CALU: variants seen among roughly 807,000 people sequenced by gnomAD.
CALU encodes calumenin, also known as IEF SSP 9302.
Under a neutral mutation model 37.5 loss-of-function variants are expected in CALU, and 13 were observed. That is an observed-to-expected ratio of 0.35 (90% CI 0.23 to 0.55). The LOEUF (loss-of-function observed/expected upper bound fraction) is 0.55, where lower values mean the gene tolerates loss of function less well. CALU is among the 20% of genes least tolerant of loss of function. The pLI is 0.89. For synonymous variants in CALU, 114 were observed against 133.8 expected (o/e 0.85, Z 1.02); for missense variants, 282 against 391.7 (o/e 0.72, Z 2.36).
At position 128,772,768 on chromosome 7, in the gene CALU, A is replaced by G. The variant is rs963468545; in HGVS notation, c.*3601A>G. 1.2e-5 allele frequency: 18 copies of G among 1,465,934 alleles called. No homozygotes were observed. The African/African-American group carries it at 1.9e-4, about 16-fold the overall frequency. 90.8% of individuals were successfully genotyped at this position (1,465,934 alleles called of 1,614,324 possible). A position where few individuals can be genotyped will look rare whatever the true frequency, so the allele number is the denominator to read the frequency against. On this transcript the variant is annotated 3_prime_UTR_variant, in exon 7 of 7. Transcript: ENST00000249364. ...CCTTGCACAATGCTTTGTACCCAGA[A>G]TGCCCTTAGGTGGTTTTGAATCTAT...
Position 128,772,754 on chromosome 7 carries a change from G to A in CALU, c.*3587G>A, listed in dbSNP as rs1801638690. On this transcript the variant is annotated 3_prime_UTR_variant, in exon 7 of 7. Transcript: ENST00000249364. ...CTGTATCACCAAAGCCTTGCACAAT[G>A]CTTTGTACCCAGAATGCCCTTAGGT... 1 of 1,532,494 alleles carries A rather than the reference G, an allele frequency of 6.5e-7. No individual in the cohort carries two copies. The highest frequency in any genetic ancestry group is 1.1e-5 in the South Asian group (1 of 88,322). 94.9% of individuals were successfully genotyped at this position (1,532,494 alleles called of 1,614,324 possible).
At chr7:128,760,674 C>T (rs775829163) in intron 5 of CALU, among the ~76,000 whole-genome samples, 12 of 152,040 alleles carry the variant, frequency 7.9e-5, no homozygotes, top group Middle Eastern at 3.4e-3. Flanking sequence ...TTTGGGAGGC[C>T]GAGGCGGGCG....
At chr7:128,765,756 C>A (rs950193741) in intron 5 of CALU, among the ~76,000 whole-genome samples, 2 of 152,126 alleles carry the variant, frequency 1.3e-5, no homozygotes, top group African/African-American at 4.8e-5. Flanking sequence ...GTTTCATATC[C>A]ATGGATGACA....
chr7:128,772,937 C>G lies in CALU; in HGVS notation c.*3770C>G, dbSNP rs926772265. On this transcript the variant is annotated 3_prime_UTR_variant, in exon 7 of 7. Transcript: ENST00000249364. ...CATAAAAGCACTGTCAGCAGAGGCC[C>G]CTCCATTACTAGCAGGTGCTCCCAG... is the stretch of plus-strand genomic sequence containing the variant. 5.3e-5 allele frequency among the ~76,000 whole-genome samples: 8 copies of G among 152,178 alleles called. No homozygotes were observed. The highest frequency in any genetic ancestry group is 2.9e-5 in the Non-Finnish European group (2 of 68,038).
chr7:128,741,077 G>C (rs913930523), intron 1 of CALU, among the ~76,000 whole-genome samples: 1 of 152,146 alleles, frequency 6.6e-6, no homozygotes, highest in Non-Finnish European at 1.5e-5. Context: ...GGTATACCAG[G>C]GATATTGAAA....
intron 3 of CALU, among the ~76,000 whole-genome samples, chr7:128,757,391 G>A (rs903857699): frequency 4.0e-5 from 6 of 151,612 alleles, no homozygotes; most frequent in African/African-American, 1.5e-4. Flanking sequence ...GTGTGTGTGT[G>A]TACACAGGAT....
intron 5 of CALU, 146 bp downstream of exon 5, chr7:128,759,998 C>T (rs183428214): frequency 5.5e-6 from 3 of 548,084 alleles, no homozygotes; most frequent in Non-Finnish European, 9.9e-6. Flanking sequence ...GAGTCCAAGT[C>T]CAGCCTGGCC....
At chr7:128,741,782 C>G (rs1218707359) in intron 1 of CALU, among the ~76,000 whole-genome samples, 1 of 152,214 alleles carries the variant, frequency 6.6e-6, no homozygotes, top group Non-Finnish European at 1.5e-5. Flanking sequence ...AATAGCATTT[C>G]TCTCACAATT....
Position 128,758,875 on chromosome 7 carries a change from T to C in CALU, c.420T>C (p.Asp140=). The C allele has an allele frequency of 6.2e-7, 1 of 1,612,138 alleles. No individual in the cohort carries two copies. Reference sequence around the variant, plus strand: ...ACCTAAATTTTTGTTTTCTAGATGATCCAGATCCTGATGATGGATTTAACT... The same window carrying C: ...ACCTAAATTTTTGTTTTCTAGATGACCCAGATCCTGATGATGGATTTAACT... ...KNATYGYVLD[D]PDPDDGFNYK... Residue 140 remains aspartate, a synonymous_variant, in exon 4 of 7, where the codon GAT becomes GAC. Transcript: ENST00000249364.
At chr7:128,759,296 T>C (rs1296451721) in intron 4 of CALU, among the ~76,000 whole-genome samples, 2 of 152,234 alleles carry the variant, frequency 1.3e-5, no homozygotes, top group Non-Finnish European at 2.9e-5. Flanking sequence ...TGCCATTTCA[T>C]TGGTAGCTTC....
intron 1 of CALU, chr7:128,748,344 C>A: frequency 6.7e-7 from 1 of 1,493,296 alleles, no homozygotes; most frequent in Non-Finnish European, 9.0e-7. Flanking sequence ...TTCTTATCAG[C>A]CTACAATCAG....
intron 6 of CALU, 57 bp downstream of exon 6, chr7:128,767,712 T>A (rs1801390736): frequency 1.4e-6 from 2 of 1,387,146 alleles, no homozygotes; most frequent in African/African-American, 2.8e-5. Flanking sequence ...TTCTAGGGGA[T>A]CACCTGAACA....
At chr7:128,758,770 C>T (rs1800986775) in intron 3 of CALU, 101 bp from the exon 4 acceptor site, 2 of 824,634 alleles carry the variant, frequency 2.4e-6, no homozygotes, top group Admixed American at 2.3e-5. Flanking sequence ...TTATTTCTTC[C>T]TTGCATGGTT....
rs8597 is a variant in CALU, at chr7:128,771,368, C to T, written c.*2201C>T. ...ATTGTGTGTTCTGTGAATGCTAGCTCTCTTGAATTTGGATATTGGTTATTT... is the reference window on the plus strand; with the variant it reads ...ATTGTGTGTTCTGTGAATGCTAGCTTTCTTGAATTTGGATATTGGTTATTT... On this transcript the variant is annotated 3_prime_UTR_variant, in exon 7 of 7. Transcript: ENST00000249364. The T allele has an allele frequency of 0.059, 9,056 of 152,576 alleles. 313 individuals are homozygous for T. The highest frequency in any genetic ancestry group is 0.069 in the Non-Finnish European group (4,705 of 68,008). The allele number at this position is 152,576 out of a possible 1,614,324, so 9.5% of individuals were successfully genotyped here. A position where few individuals can be genotyped will look rare whatever the true frequency, so the allele number is the denominator to read the frequency against.
At chr7:128,749,627 A>T (rs557785688) in intron 2 of CALU, among the ~76,000 whole-genome samples, 1 of 152,278 alleles carries the variant, frequency 6.6e-6, no homozygotes, top group East Asian at 1.9e-4. Flanking sequence ...AATTTCTAAA[A>T]ATATTTTGCC....
At chr7:128,749,115 C>T (rs1464952461) in intron 2 of CALU, among the ~76,000 whole-genome samples, 1 of 152,152 alleles carries the variant, frequency 6.6e-6, no homozygotes, top group African/African-American at 2.4e-5. Context: ...GATTTCTCAT[C>T]TCTTCTCATC....
chr7:128,767,282 A>T (rs989986544), intron 5 of CALU, among the ~76,000 whole-genome samples, 174 bp from the exon 6 acceptor site: 2 of 152,234 alleles, frequency 1.3e-5, no homozygotes. Context: ...AAGATAAGTG[A>T]TTAAGCCTCA....
At chr7:128,759,953 T>C (rs1428629180) in intron 5 of CALU, 101 bp downstream of exon 5, 9 of 718,358 alleles carry the variant, frequency 1.3e-5, no homozygotes, top group Non-Finnish European at 2.2e-5. Context: ...ATCCCAACAC[T>C]GGGAGGCCGA....
intron 5 of CALU, among the ~76,000 whole-genome samples, chr7:128,765,567 G>A (rs1310514645): frequency 6.6e-6 from 1 of 152,218 alleles, no homozygotes; most frequent in Non-Finnish European, 1.5e-5. Context: ...CATTGTGTAT[G>A]TAAATTGAAA....
Sources: gnomAD v4.1 joint callset for allele counts (sites outside exome capture counted in the v4.1 genomes callset) on GRCh38, gnomAD v4.1.1 for gene constraint, MANE v1.5 for transcripts, NCBI Gene and HGNC (gene_info 2026-07-23, HGNC 2026-07-21) for gene names.